Variants in TASP1 observed in about 807,000 individuals in gnomAD.
The protein encoded by TASP1 is taspase 1, also known as threonine aspartase 1.
A neutral mutation model predicts 56.6 loss-of-function variants in TASP1; 16 were observed. The ratio of observed to expected loss-of-function variants is 0.28; its 90% CI spans 0.19 to 0.43. The LOEUF (loss-of-function observed/expected upper bound fraction) is 0.43. Among genes scored for constraint, TASP1 ranks in the 20% least tolerant of loss-of-function variants. The probability of loss-of-function intolerance (pLI) is 1.00; values close to 1 mark genes in which losing one functional copy is unlikely to be tolerated. For synonymous variants in TASP1, 179 were observed against 184.2 expected (o/e 0.97, Z 0.23); for missense variants, 393 against 511.6 (o/e 0.77, Z 2.24).
At chr20:13,370,463 G>T in the TASP1 span, among the ~76,000 whole-genome samples, 1 of 151,948 alleles carries the variant, frequency 6.6e-6, no homozygotes, top group African/African-American at 2.4e-5. Flanking sequence ...ACCTTTCTAT[G>T]TTTGTACATT....
chr20:13,276,870 G>A, the TASP1 span, among the ~76,000 whole-genome samples: 1 of 152,196 alleles, frequency 6.6e-6, no homozygotes, highest in Non-Finnish European at 1.5e-5. Context: ...GAAACCTCAG[G>A]CTCAAGATTA....
intron 11 of TASP1, among the ~76,000 whole-genome samples, chr20:13,448,078 G>GT (rs1475190039): frequency 6.6e-6 from 1 of 152,050 alleles, no homozygotes; most frequent in Non-Finnish European, 1.5e-5. Flanking sequence ...ACTTATCCAT[G>GT]TTTTCTATTT....
the TASP1 span, among the ~76,000 whole-genome samples, chr20:13,304,133 G>C: frequency 6.6e-6 from 1 of 152,174 alleles, no homozygotes; most frequent in East Asian, 1.9e-4. Context: ...GTTTTTTGTA[G>C]GTTCAGCAGT....
chr20:13,486,793 T>C (rs916387950), intron 10 of TASP1, among the ~76,000 whole-genome samples: 1 of 152,274 alleles, frequency 6.6e-6, no homozygotes, highest in African/African-American at 2.4e-5. Flanking sequence ...CAAAAAAAAC[T>C]GTACTTGAAT....
the TASP1 span, among the ~76,000 whole-genome samples, chr20:13,190,863 T>C: frequency 6.6e-6 from 1 of 151,928 alleles, no homozygotes. Flanking sequence ...TCAGAATATA[T>C]AAGGAACTCA....
chr20:13,287,386 A>G, the TASP1 span, among the ~76,000 whole-genome samples: 3 of 152,286 alleles, frequency 2.0e-5, no homozygotes, highest in Admixed American at 2.0e-4. Context: ...CCCATGATTC[A>G]GTTATCTCCA....
chr20:13,288,400 A>G, the TASP1 span: 1 of 867,392 alleles, frequency 1.2e-6, no homozygotes, highest in Non-Finnish European at 1.7e-6. Context: ...TAAACCTTTT[A>G]GCTCCAGCTG....
At chr20:13,566,311 A>C in intron 7 of TASP1, among the ~76,000 whole-genome samples, 1 of 152,322 alleles carries the variant, frequency 6.6e-6, no homozygotes, top group East Asian at 1.9e-4. Context: ...AAAATATTTA[A>C]GATGGTAAAT....
chr20:13,360,919 C>T, the TASP1 span, among the ~76,000 whole-genome samples: 13 of 152,316 alleles, frequency 8.5e-5, no homozygotes, highest in East Asian at 5.8e-4. Flanking sequence ...ACCCAGATCA[C>T]GCTTGATTTA....
chr20:13,186,326 G>C, the TASP1 span, among the ~76,000 whole-genome samples: 1 of 152,152 alleles, frequency 6.6e-6, no homozygotes, highest in Non-Finnish European at 1.5e-5. Context: ...TGCCAGAGCC[G>C]TATTCTTTCT....
chr20:13,470,744 C>T (rs1413491856), intron 11 of TASP1, among the ~76,000 whole-genome samples: 2 of 152,030 alleles, frequency 1.3e-5, no homozygotes, highest in East Asian at 3.9e-4. Flanking sequence ...CTAACTTGTC[C>T]CCTTCTTCAT....
the TASP1 span, among the ~76,000 whole-genome samples, chr20:13,303,229 C>G: frequency 3.3e-5 from 5 of 152,230 alleles, no homozygotes; most frequent in Non-Finnish European, 5.9e-5. Flanking sequence ...CTCTCCTCTC[C>G]TCCTAACTCA....
intron 11 of TASP1, among the ~76,000 whole-genome samples, chr20:13,450,193 C>G (rs1469391146): frequency 6.6e-6 from 1 of 152,042 alleles, no homozygotes; most frequent in Non-Finnish European, 1.5e-5. Context: ...TGCAAAAATG[C>G]TAATGATTAT....
chr20:13,328,449 T>C, the TASP1 span, among the ~76,000 whole-genome samples: 2 of 152,146 alleles, frequency 1.3e-5, no homozygotes, highest in Admixed American at 1.3e-4. Flanking sequence ...AGCAATCCCA[T>C]TACTGGGTAT....
chr20:13,379,065 C>T, the TASP1 span, among the ~76,000 whole-genome samples: 3 of 152,100 alleles, frequency 2.0e-5, no homozygotes, highest in Non-Finnish European at 4.4e-5. Flanking sequence ...GGGCATTTAG[C>T]CCATTTACAT....
the TASP1 span, among the ~76,000 whole-genome samples, chr20:13,355,761 A>C: frequency 1.3e-5 from 2 of 152,212 alleles, no homozygotes; most frequent in East Asian, 3.8e-4. Flanking sequence ...CTCAACATAT[A>C]GCTAGGGATC....
the TASP1 span, among the ~76,000 whole-genome samples, chr20:13,374,388 C>T: frequency 6.6e-6 from 1 of 151,084 alleles, no homozygotes; most frequent in African/African-American, 2.4e-5. Context: ...TGCTCTTTCG[C>T]CCAGGCTGGA....
intron 10 of TASP1, among the ~76,000 whole-genome samples, chr20:13,492,324 ATT>A (rs777386574): frequency 4.6e-5 from 7 of 152,180 alleles, no homozygotes; most frequent in Admixed American, 3.3e-4. Context: ...GCCTTTCCAA[ATT>A]TAAAAGGAAA....
At chr20:13,556,624 A>G (rs948040310) in intron 8 of TASP1, among the ~76,000 whole-genome samples, 5 of 152,154 alleles carry the variant, frequency 3.3e-5, no homozygotes, top group African/African-American at 1.2e-4. Context: ...TTCATCTCAT[A>G]CTATTCTCCC....
Sources: allele counts gnomAD v4.1 joint callset (sites outside exome capture counted in the v4.1 genomes callset), GRCh38; gene constraint gnomAD v4.1.1; transcripts MANE v1.5; gene names NCBI Gene and HGNC (gene_info 2026-07-23, HGNC 2026-07-21).